The following LYN variants were observed in gnomAD, a reference collection of about 807,000 sequenced individuals.
The protein encoded by LYN is LYN proto-oncogene, Src family tyrosine kinase.
Under a neutral mutation model 65.0 loss-of-function variants are expected in LYN, and 12 were observed. The observed-to-expected ratio is 0.18, with a 90% CI of 0.12 to 0.30. LYN has a LOEUF of 0.30. Ranked by LOEUF, LYN falls within the 10% of genes least tolerant of loss-of-function variation. The pLI, the probability that LYN is intolerant of heterozygous loss-of-function variation, is 1.00. For missense variants in LYN, 380 were observed against 623.2 expected (o/e 0.61, Z 4.16); for synonymous variants, 222 against 221.2 (o/e 1.00, Z -0.03).
chr8:55,891,170 T>A (rs1804951138), intron 1 of LYN, among the ~76,000 whole-genome samples: 1 of 151,838 alleles, frequency 6.6e-6, no homozygotes, highest in Non-Finnish European at 1.5e-5. Context: ...CTGACCAACA[T>A]GGAGAAACCC....
chr8:56,009,815 T>A, intron 12 of LYN, 93 bp from the exon 13 acceptor site: 1 of 942,900 alleles, frequency 1.1e-6, no homozygotes, highest in Non-Finnish European at 1.6e-6. Context: ...GGTTACAGGA[T>A]GTGAGGAGCA....
chr8:55,999,840 G>A (rs59462684), intron 12 of LYN, among the ~76,000 whole-genome samples: 3,655 of 151,978 alleles, frequency 0.024, 172 homozygotes, highest in African/African-American at 0.085. Context: ...GCATGGTGAC[G>A]CATGCCTGTA....
chr8:55,880,254 C>G (rs1294140366), intron 1 of LYN, among the ~76,000 whole-genome samples, 151 bp downstream of exon 1: 3 of 151,896 alleles, frequency 2.0e-5, no homozygotes, highest in Admixed American at 6.6e-5. Context: ...CTGGCCGCAC[C>G]GCCTCTGGGC....
chr8:55,964,872 T>G (rs1807402382), intron 8 of LYN, among the ~76,000 whole-genome samples: 1 of 152,236 alleles, frequency 6.6e-6, no homozygotes, highest in Non-Finnish European at 1.5e-5. Context: ...TTCTATGCTA[T>G]TCACATACAG....
At chr8:55,961,120 A>T (rs1222230317) in intron 8 of LYN, among the ~76,000 whole-genome samples, 2 of 152,198 alleles carry the variant, frequency 1.3e-5, no homozygotes, top group Non-Finnish European at 2.9e-5. Flanking sequence ...ATTAATCACC[A>T]ACCCACTTCC....
chr8:55,948,015 C>A (rs183424892), intron 4 of LYN, among the ~76,000 whole-genome samples: 3 of 151,956 alleles, frequency 2.0e-5, no homozygotes, highest in Non-Finnish European at 4.4e-5. Flanking sequence ...TCTCTGTCAT[C>A]CAGGCTAGAA....
At chr8:55,962,575 C>A (rs554744393) in intron 8 of LYN, among the ~76,000 whole-genome samples, 10 of 152,150 alleles carry the variant, frequency 6.6e-5, no homozygotes, top group African/African-American at 2.2e-4. Flanking sequence ...CATCTTCATT[C>A]CATATGGTAT....
intron 10 of LYN, among the ~76,000 whole-genome samples, chr8:55,970,841 G>A (rs1807590621): frequency 6.6e-6 from 1 of 152,218 alleles, no homozygotes; most frequent in South Asian, 2.1e-4. Flanking sequence ...CATTTCAGAA[G>A]CCCTTTGCCT....
chr8:55,924,153 G>A (rs2130438530), intron 1 of LYN, among the ~76,000 whole-genome samples: 1 of 151,330 alleles, frequency 6.6e-6, no homozygotes, highest in Admixed American at 6.6e-5. Context: ...ATCTAATGTT[G>A]AAACAGCACT....
intron 8 of LYN, among the ~76,000 whole-genome samples, chr8:55,959,655 T>C (rs564616568): frequency 6.6e-6 from 1 of 152,268 alleles, no homozygotes; most frequent in South Asian, 2.1e-4. Flanking sequence ...TTGTGAGAAA[T>C]AATACAAAAA....
At chr8:55,930,002 G>A (rs577572996) in intron 1 of LYN, among the ~76,000 whole-genome samples, 1 of 152,302 alleles carries the variant, frequency 6.6e-6, no homozygotes, top group South Asian at 2.1e-4. Flanking sequence ...TCAGATCAGC[G>A]CCATAGTAGA....
At position 55,899,337 on chromosome 8, in the gene LYN, C is replaced by T. The variant is rs142722056; in HGVS notation, c.-6+19234C>T. The stretch of plus-strand genomic sequence containing the variant: ...CTAAGTAAATGGAACCCAAGTCAGC[C>T]GGACCCCTAAACTGATGTGTTTGTT... On this transcript the variant is annotated intron_variant, in intron 1 of 12. Coordinates refer to ENST00000519728, the MANE Select transcript of LYN (RefSeq NM_002350.4). 8.9e-4 allele frequency among the ~76,000 whole-genome samples: 136 copies of T among 152,196 alleles called. 2 individuals are homozygous for T. The East Asian group carries it at 0.022, about 25-fold the overall frequency.
At position 55,966,755 on chromosome 8, in the gene LYN, G is replaced by A; in HGVS notation, c.831G>A (p.Leu277=). ...GTACCAAGGTGGCTGTGAAAACCCT[G>A]AAGCCAGGAACTATGTCTGTGCAAG... ...NNSTKVAVKT[L]KPGTMSVQAF... is the part of the protein sequence containing the mutation. Residue 277 remains leucine (L), a synonymous_variant, in exon 9 of 13, where the codon CTG becomes CTA. Transcript: ENST00000519728. The A allele has an allele frequency of 6.2e-7, 1 of 1,614,054 alleles. No individual in the cohort carries two copies. The highest frequency in any genetic ancestry group is 1.7e-5 in the Admixed American group (1 of 60,002).
intron 8 of LYN, among the ~76,000 whole-genome samples, chr8:55,965,017 T>C (rs1293702772): frequency 2.1e-5 from 3 of 142,674 alleles, no homozygotes; most frequent in African/African-American, 5.4e-5. Flanking sequence ...CCAGCAGCTA[T>C]TACTCCCTTC....
chr8:55,936,446 C>A (rs1018908407), intron 1 of LYN, among the ~76,000 whole-genome samples: 1 of 152,124 alleles, frequency 6.6e-6, no homozygotes, highest in Non-Finnish European at 1.5e-5. Flanking sequence ...TCGAGACCAG[C>A]CTGGCCAATA....
At chr8:55,920,457 C>T (rs942359359) in intron 1 of LYN, among the ~76,000 whole-genome samples, 2 of 152,266 alleles carry the variant, frequency 1.3e-5, no homozygotes, top group South Asian at 2.1e-4. Flanking sequence ...TGGGAAGTAA[C>T]GCATTGTTTA....
chr8:55,990,828 G>C (rs1808225770), intron 10 of LYN, among the ~76,000 whole-genome samples: 1 of 152,202 alleles, frequency 6.6e-6, no homozygotes, highest in African/African-American at 2.4e-5. Flanking sequence ...CCTGGGCCAA[G>C]GGGAGGGTCT....
chr8:55,966,039 C>T (rs1239557748), intron 8 of LYN, among the ~76,000 whole-genome samples: 3 of 152,006 alleles, frequency 2.0e-5, no homozygotes, highest in African/African-American at 4.8e-5. Context: ...GCATAAGAAT[C>T]GCTTGAAACC....
chr8:55,890,604 G>A (rs191938939), intron 1 of LYN, among the ~76,000 whole-genome samples: 45 of 152,232 alleles, frequency 3.0e-4, no homozygotes, highest in Middle Eastern at 3.4e-3. Flanking sequence ...ATAACTGAAT[G>A]TGGGGTCTCA....
Sources: allele counts gnomAD v4.1 joint callset (sites outside exome capture counted in the v4.1 genomes callset), GRCh38; gene constraint gnomAD v4.1.1; transcripts MANE v1.5; gene names NCBI Gene and HGNC (gene_info 2026-07-23, HGNC 2026-07-21).